Variants in RNF115 observed in about 807,000 individuals in gnomAD.
The protein encoded by RNF115 is E3 ubiquitin-protein ligase RNF115.
A neutral mutation model predicts 39.2 loss-of-function variants in RNF115; 31 were observed. The observed-to-expected ratio is 0.79, with a 90% CI of 0.59 to 1.07. The LOEUF is 1.07. Among genes scored for constraint, RNF115 ranks in the 50% least tolerant of loss-of-function variants. The pLI is 0.00. For missense variants in RNF115, 384 were observed against 381.7 expected (o/e 1.01, Z -0.05); for synonymous variants, 124 against 131.0 (o/e 0.95, Z 0.37).
chr1:145,794,041 G>T (rs1341273030), intron 1 of RNF115, among the ~76,000 whole-genome samples: 1 of 151,692 alleles, frequency 6.6e-6, no homozygotes, highest in Non-Finnish European at 1.5e-5. Flanking sequence ...ACGGTGTTTC[G>T]CCACGATGGC....
chr1:145,794,942 G>A (rs1194448875), intron 1 of RNF115, among the ~76,000 whole-genome samples: 3 of 151,084 alleles, frequency 2.0e-5, no homozygotes, highest in African/African-American at 4.9e-5. Flanking sequence ...GTGTGAACCC[G>A]GGAGGCGGAG....
At chr1:145,817,063 C>T (rs1217052215) in intron 1 of RNF115, among the ~76,000 whole-genome samples, 1 of 50,944 alleles carries the variant, frequency 2.0e-5, no homozygotes, top group Non-Finnish European at 4.9e-5. Flanking sequence ...AATGCTATGG[C>T]CAAGGCACAG....
intron 4 of RNF115, among the ~76,000 whole-genome samples, chr1:145,767,294 GACA>G: frequency 2.3e-5 from 1 of 42,880 alleles, no homozygotes; most frequent in Admixed American, 2.7e-4. Flanking sequence ...TCACTTCTCA[GACA>G]GGGCAGTTGC....
At position 145,814,338 on chromosome 1, in the gene RNF115, C is replaced by G. The variant is rs587680969; in HGVS notation, c.102+9434G>C. Reference sequence around the variant, plus strand: ...CAAAACTACCTGAAATTGAAAACCACTGCTCTAGGCTATCTCATTTATTGC... The same window carrying G: ...CAAAACTACCTGAAATTGAAAACCAGTGCTCTAGGCTATCTCATTTATTGC... On this transcript the variant is annotated intron_variant, in intron 1 of 8. Transcript: ENST00000582693. 4.2e-4 allele frequency among the ~76,000 whole-genome samples: 64 copies of G among 152,210 alleles called. 1 individual carries two copies. In the East Asian group the frequency reaches 9.1e-3, roughly 22 times the overall value.
At chr1:145,788,631 G>A (rs1003640882) in intron 2 of RNF115, 65 of 555,458 alleles carry the variant, frequency 1.2e-4, no homozygotes, top group Non-Finnish European at 1.8e-4. Context: ...TCTGACATGC[G>A]TACAGATGTA....
chr1:145,789,162 G>A (rs1571755687), intron 1 of RNF115, among the ~76,000 whole-genome samples, 196 bp from the exon 2 acceptor site: 1 of 152,054 alleles, frequency 6.6e-6, no homozygotes, highest in African/African-American at 2.4e-5. Context: ...GACTGCAGTG[G>A]TATGATCATG....
intron 4 of RNF115, among the ~76,000 whole-genome samples, chr1:145,765,006 G>A (rs1658712689): frequency 6.6e-6 from 1 of 152,242 alleles, no homozygotes; most frequent in African/African-American, 2.4e-5. Flanking sequence ...AAGGGATAGA[G>A]AAATCGGATT....
chr1:145,784,864 G>C (rs1202721908), intron 2 of RNF115, among the ~76,000 whole-genome samples: 10 of 152,060 alleles, frequency 6.6e-5, no homozygotes, highest in Non-Finnish European at 1.3e-4. Flanking sequence ...GGACCCACAG[G>C]CAGCAATGCA....
chr1:145,794,735 T>C (rs1648865125), intron 1 of RNF115, among the ~76,000 whole-genome samples: 1 of 151,660 alleles, frequency 6.6e-6, no homozygotes, highest in Non-Finnish European at 1.5e-5. Flanking sequence ...TGGTGTGTCC[T>C]GACCAGGCGC....
At chr1:145,765,455 AAT>A (rs2101509340) in intron 4 of RNF115, among the ~76,000 whole-genome samples, 1 of 152,314 alleles carries the variant, frequency 6.6e-6, no homozygotes, top group African/African-American at 2.4e-5. Flanking sequence ...TTTGAAGTGA[AAT>A]ATGAGTAATT....
At chr1:145,813,536 A>G (rs1358230655) in intron 1 of RNF115, among the ~76,000 whole-genome samples, 1 of 152,144 alleles carries the variant, frequency 6.6e-6, no homozygotes. Flanking sequence ...AGTTGCCCTT[A>G]CAGTATGTAA....
intron 1 of RNF115, among the ~76,000 whole-genome samples, chr1:145,801,952 TA>T (rs1291983225): frequency 6.6e-6 from 1 of 152,120 alleles, no homozygotes; most frequent in Non-Finnish European, 1.5e-5. Context: ...TACGCCCAGC[TA>T]ATTTTTATAT....
At chr1:145,755,856 G>A (rs1658276617) in intron 4 of RNF115, among the ~76,000 whole-genome samples, 1 of 152,136 alleles carries the variant, frequency 6.6e-6, no homozygotes, top group South Asian at 2.1e-4. Flanking sequence ...CAAAGCTGTG[G>A]CCTTACCATA....
intron 1 of RNF115, among the ~76,000 whole-genome samples, chr1:145,792,737 A>C (rs755913274): frequency 1.8e-4 from 28 of 152,208 alleles, no homozygotes; most frequent in Admixed American, 1.8e-3. Context: ...AACAGCATGC[A>C]TGGAGGTTGG....
intron 7 of RNF115, 124 bp downstream of exon 7, chr1:145,750,283 A>AT (rs1193571867): frequency 4.3e-5 from 34 of 782,002 alleles, no homozygotes; most frequent in Non-Finnish European, 6.3e-5. Context: ...AGGTATTGGG[A>AT]TTTTTTTTCT....
chr1:145,769,949 A>G (rs1380321036), intron 4 of RNF115, among the ~76,000 whole-genome samples: 1 of 152,126 alleles, frequency 6.6e-6, no homozygotes, highest in Non-Finnish European at 1.5e-5. Flanking sequence ...TTGAGGTTGT[A>G]GTGAAACATG....
chr1:145,813,920 C>A (rs1204596759), intron 1 of RNF115, among the ~76,000 whole-genome samples: 2 of 143,258 alleles, frequency 1.4e-5, no homozygotes, highest in Non-Finnish European at 3.0e-5. Flanking sequence ...TCAGCAGCAT[C>A]TCTGGCCTCC....
In RNF115 at chr1:145,822,760, ATGT is replaced by A. The variant is rs1342109836; in HGVS notation, c.102+1009_102+1011del. Reference sequence around the variant, plus strand: ...TGGTGCTGGCTAGTATGCTGCATAAATGTTGTTTGTTTTTGTAGAGAGGGGTCT... The same window carrying A: ...TGGTGCTGGCTAGTATGCTGCATAAATGTTTGTTTTTGTAGAGAGGGGTCT... On this transcript the variant is annotated intron_variant, in intron 1 of 8. Coordinates refer to ENST00000582693, the MANE Select transcript of RNF115 (RefSeq NM_014455.4). Among the ~76,000 whole-genome samples the A allele has an allele frequency of 3.5e-5, 5 of 141,612 alleles. No homozygotes were observed. In the East Asian group the frequency reaches 8.6e-4, roughly 24 times the overall value. The allele number at this position is 141,612 out of a possible 152,430, so 92.9% of individuals were successfully genotyped here.
rs1220062274 is a variant in RNF115, at chr1:145,771,974, GGATT to G, written c.220-59_220-56del. 5 of 1,413,558 alleles carry G rather than the reference GGATT, an allele frequency of 3.5e-6. No individual in the cohort carries two copies. The Admixed American group carries it at 5.6e-5, about 16-fold the overall frequency. The allele number at this position is 1,413,558 out of a possible 1,614,324, so 87.6% of individuals were successfully genotyped here. On this transcript the variant is annotated intron_variant, in intron 3 of 8. Transcript: ENST00000582693. Reference sequence around the variant, plus strand: ...TAGAAAAATCAATCAATAAACACCTGGATTGTTTACAGTTTTTTATATTACAAAT... The same window carrying G: ...TAGAAAAATCAATCAATAAACACCTGGTTTACAGTTTTTTATATTACAAAT...
Sources: allele counts gnomAD v4.1 joint callset (sites outside exome capture counted in the v4.1 genomes callset), GRCh38; gene constraint gnomAD v4.1.1; transcripts MANE v1.5; gene names NCBI Gene and HGNC (gene_info 2026-07-23, HGNC 2026-07-21).